TOPAZ1: variants seen among roughly 807,000 people sequenced by gnomAD.
The protein encoded by TOPAZ1 is testis and ovary specific TOPAZ 1.
A neutral mutation model predicts 172.2 loss-of-function variants in TOPAZ1; 66 were observed. The observed-to-expected ratio is 0.38, with a 90% CI of 0.31 to 0.47. The LOEUF (loss-of-function observed/expected upper bound fraction) is 0.47, where lower values mean the gene tolerates loss of function less well. Ranked by LOEUF, TOPAZ1 falls within the 20% of genes least tolerant of loss-of-function variation. The probability of loss-of-function intolerance (pLI) is 0.99; values close to 1 mark genes in which losing one functional copy is unlikely to be tolerated. For missense variants in TOPAZ1, 1,822 were observed against 1,972.4 expected (o/e 0.92, Z 1.44); for synonymous variants, 681 against 683.9 (o/e 1.00, Z 0.07).
intron 5 of TOPAZ1, among the ~76,000 whole-genome samples, chr3:44,263,641 T>C (rs1228969474): frequency 1.3e-5 from 2 of 152,204 alleles, no homozygotes; most frequent in Non-Finnish European, 2.9e-5. Flanking sequence ...ATTTCAACTC[T>C]TATAAATATG....
intron 19 of TOPAZ1, among the ~76,000 whole-genome samples, chr3:44,329,166 C>G (rs1255790255): frequency 6.6e-6 from 1 of 152,124 alleles, no homozygotes; most frequent in Non-Finnish European, 1.5e-5. Context: ...ATAAATTATC[C>G]CTGGACCTAA....
intron 12 of TOPAZ1, among the ~76,000 whole-genome samples, chr3:44,300,319 A>C (rs1700256483): frequency 6.6e-6 from 1 of 152,008 alleles, no homozygotes; most frequent in East Asian, 1.9e-4. Context: ...CTGTAGTCCC[A>C]GCTACTCAGG....
At chr3:44,259,460 A>G (rs1338084572) in intron 4 of TOPAZ1, among the ~76,000 whole-genome samples, 1 of 152,146 alleles carries the variant, frequency 6.6e-6, no homozygotes, top group Non-Finnish European at 1.5e-5. Context: ...CTTTCAATGT[A>G]TGTAATGATG....
At chr3:44,296,993 G>A (rs1700206219) in intron 12 of TOPAZ1, among the ~76,000 whole-genome samples, 1 of 151,558 alleles carries the variant, frequency 6.6e-6, no homozygotes, top group Non-Finnish European at 1.5e-5. Context: ...CTAACATGGT[G>A]AAACCCCGTC....
intron 12 of TOPAZ1, among the ~76,000 whole-genome samples, chr3:44,291,928 A>G (rs1700142864): frequency 6.6e-6 from 1 of 152,104 alleles, no homozygotes; most frequent in Non-Finnish European, 1.5e-5. Flanking sequence ...CTGTGTCCCT[A>G]GGCCAAAAGA....
At chr3:44,306,016 T>G (rs1198001850) in intron 14 of TOPAZ1, among the ~76,000 whole-genome samples, 1 of 152,240 alleles carries the variant, frequency 6.6e-6, no homozygotes, top group Non-Finnish European at 1.5e-5. Flanking sequence ...ATTTGTTTTG[T>G]TTTTGACCTG....
At chr3:44,302,160 C>T (rs1700278974) in intron 12 of TOPAZ1, among the ~76,000 whole-genome samples, 1 of 152,116 alleles carries the variant, frequency 6.6e-6, no homozygotes, top group Non-Finnish European at 1.5e-5. Context: ...CCTGTAATCC[C>T]AGCACTTTGG....
At chr3:44,298,107 A>G (rs1392607442) in intron 12 of TOPAZ1, among the ~76,000 whole-genome samples, 2 of 152,192 alleles carry the variant, frequency 1.3e-5, no homozygotes, top group African/African-American at 4.8e-5. Context: ...TTGTAGGTAT[A>G]AAAACGTATA....
At chr3:44,266,774 G>A (rs1056945729) in intron 5 of TOPAZ1, among the ~76,000 whole-genome samples, 2 of 152,106 alleles carry the variant, frequency 1.3e-5, no homozygotes, top group African/African-American at 2.4e-5. Flanking sequence ...TTGAAATATT[G>A]TGAGAATTAC....
In TOPAZ1 at chr3:44,270,684, G is replaced by T; in HGVS notation, c.3247-1G>T. On this transcript the variant is annotated splice_acceptor_variant, in intron 7 of 19. Coordinates refer to ENST00000309765, the MANE Select transcript of TOPAZ1 (RefSeq NM_001145030.2). LOFTEE classifies it high-confidence loss of function. ...GAAAGTGAATCTTTCTAATTTTCTA[G>T]GTGTTCCAGAAGTCCCTAGGGTTGA... 1 of 1,535,268 alleles carries T rather than the reference G, an allele frequency of 6.5e-7. No homozygotes were observed. The highest frequency in any genetic ancestry group is 8.8e-7 in the Non-Finnish European group (1 of 1,140,340).
At chr3:44,276,408 C>T (rs1175431677) in intron 8 of TOPAZ1, among the ~76,000 whole-genome samples, 1 of 151,994 alleles carries the variant, frequency 6.6e-6, no homozygotes, top group Non-Finnish European at 1.5e-5. Context: ...TTAATTTTCC[C>T]AGCACCACTT....
At chr3:44,267,210 AC>A in intron 6 of TOPAZ1, 74 bp downstream of exon 6, 2 of 1,277,878 alleles carry the variant, frequency 1.6e-6, no homozygotes, top group Non-Finnish European at 2.1e-6. Flanking sequence ...TCTACCAAAA[AC>A]AAAAAACGAT....
intron 3 of TOPAZ1, among the ~76,000 whole-genome samples, 157 bp from the exon 4 acceptor site, chr3:44,255,994 G>T (rs1354530830): frequency 6.6e-6 from 1 of 151,604 alleles, no homozygotes; most frequent in African/African-American, 2.4e-5. Flanking sequence ...TTGATAGAGA[G>T]GAATTATTGT....
At chr3:44,308,396 C>T (rs939054971) in intron 15 of TOPAZ1, among the ~76,000 whole-genome samples, 3 of 151,768 alleles carry the variant, frequency 2.0e-5, no homozygotes, top group African/African-American at 7.3e-5. Flanking sequence ...TCTATCCTTG[C>T]GATAGTTTGC....
Position 44,305,259 on chromosome 3 carries a change from C to G in TOPAZ1, c.3977C>G (p.Thr1326Arg). ...FQTFCACIAE[T>R]LTKNYEDERP... ...ACATTTTGTGCTTGCATTGCTGAAA[C>G]ACTCACAAAAAACTATGAAGATGAA... The change falls in exon 14 of 20, where the codon ACA becomes AGA. Residue 1326 changes from threonine (T) to arginine (R), a missense_variant. Thr to Arg is a moderately conservative substitution (Grantham distance 71, BLOSUM62 -1). Around this residue, in one of 2 missense-constraint regions of TOPAZ1, gnomAD observed 333 missense variants for 481.7 expected, o/e 0.69. Transcript: ENST00000309765. 6.5e-7 allele frequency: 1 copy of G among 1,546,144 alleles called. No individual in the cohort carries two copies. Among genetic ancestry groups the G allele is most frequent in the East Asian group, 2.5e-5 (1 of 40,684 alleles).
chr3:44,329,197 T>C (rs1379054636), intron 19 of TOPAZ1, among the ~76,000 whole-genome samples: 1 of 152,236 alleles, frequency 6.6e-6, no homozygotes, highest in Non-Finnish European at 1.5e-5. Context: ...CAGAAAATAG[T>C]ATCTTAATAT....
chr3:44,256,305 T>C (rs201122425), intron 4 of TOPAZ1, 27 bp downstream of exon 4: 255 of 1,510,024 alleles, frequency 1.7e-4, no homozygotes, highest in Middle Eastern at 3.4e-4. Context: ...TGTGTTTTTT[T>C]ATTTCTTGGT....
intron 8 of TOPAZ1, among the ~76,000 whole-genome samples, chr3:44,281,275 C>T (rs1559535839): frequency 1.3e-5 from 2 of 152,228 alleles, no homozygotes; most frequent in African/African-American, 4.8e-5. Flanking sequence ...CATGCCATCA[C>T]TTCTCCACTG....
intron 5 of TOPAZ1, among the ~76,000 whole-genome samples, 176 bp downstream of exon 5, chr3:44,262,659 T>TTTTTG (rs1375274228): frequency 6.6e-6 from 1 of 152,208 alleles, no homozygotes; most frequent in Non-Finnish European, 1.5e-5. Flanking sequence ...TATTGTAAAT[T>TTTTTG]ACCTTAAAGC....
Sources: gnomAD v4.1 joint callset for allele counts (sites outside exome capture counted in the v4.1 genomes callset) on GRCh38, gnomAD v4.1.1 for gene constraint, gnomAD v4.1.1 regional missense constraint, MANE v1.5 for transcripts, NCBI Gene and HGNC (gene_info 2026-07-23, HGNC 2026-07-21) for gene names.